KIF1B: variants seen among roughly 807,000 people sequenced by gnomAD.
KIF1B encodes kinesin family member 1B.
A neutral mutation model predicts 241.9 loss-of-function variants in KIF1B; 76 were observed. The observed-to-expected ratio is 0.31, with a 90% confidence interval of 0.26 to 0.38. The LOEUF is 0.38. Among genes scored for constraint, KIF1B ranks in the 10% least tolerant of loss-of-function variants. The pLI, the probability that KIF1B is intolerant of heterozygous loss-of-function variation, is 1.00. For missense variants in KIF1B, 1,622 were observed against 2,271.4 expected, an observed-to-expected ratio of 0.71 and a Z score of 5.81; for synonymous variants, 750 against 796.7, an observed-to-expected ratio of 0.94 and a Z score of 0.99.
At chr1:10,351,491 CAT>C (rs1457617496) in intron 37 of KIF1B, among the ~76,000 whole-genome samples, 1 of 152,150 alleles carries the variant, frequency 6.6e-6, no homozygotes, top group Non-Finnish European at 1.5e-5. Flanking sequence ...TCTCGCTTGA[CAT>C]ATGAGGGAAC....
chr1:10,294,213 G>T (rs7520935), intron 17 of KIF1B, among the ~76,000 whole-genome samples: 39,038 of 152,096 alleles, frequency 0.26, 5,371 homozygotes, highest in Admixed American at 0.32. Flanking sequence ...ACTAAAGAAG[G>T]TTGGTTTTTT....
At chr1:10,359,486 C>G (rs748761525) in intron 38 of KIF1B, among the ~76,000 whole-genome samples, 1 of 152,002 alleles carries the variant, frequency 6.6e-6, no homozygotes, top group Non-Finnish European at 1.5e-5. Flanking sequence ...ACTTGCAGAA[C>G]TGGAAGATTT....
At position 10,337,242 on chromosome 1, in the gene KIF1B, G is replaced by C; in HGVS notation, c.3259+39G>C. On this transcript the variant is annotated intron_variant, in intron 30 of 48. Transcript: ENST00000676179. The surrounding 1 kb of genome is among the most constrained non-coding windows in gnomAD (Gnocchi z 4.0). Reference sequence around the variant, plus strand: ...GTTTACTGTGCTTGGGGACATTTTCGACAAAGGGAAAATATTGACCATTAT... The same window carrying C: ...GTTTACTGTGCTTGGGGACATTTTCCACAAAGGGAAAATATTGACCATTAT... 1.2e-6 allele frequency: 2 copies of C among 1,613,868 alleles called. No homozygotes were observed.
intron 38 of KIF1B, among the ~76,000 whole-genome samples, chr1:10,356,344 G>A (rs926699816): frequency 4.0e-5 from 6 of 151,802 alleles, no homozygotes; most frequent in African/African-American, 1.2e-4. Flanking sequence ...CAGCCTGGGC[G>A]ACAGAGCGAG....
At chr1:10,249,370 A>G (rs1038209257) in intron 2 of KIF1B, among the ~76,000 whole-genome samples, 2 of 151,792 alleles carry the variant, frequency 1.3e-5, no homozygotes, top group Non-Finnish European at 2.9e-5. Context: ...CTGGTATTTT[A>G]TGTATATATT....
chr1:10,284,641 C>T (rs971963468), intron 15 of KIF1B, among the ~76,000 whole-genome samples: 16 of 152,032 alleles, frequency 1.1e-4, no homozygotes, highest in Non-Finnish European at 1.6e-4. Context: ...CTGGAGATTG[C>T]GCCATTGCAT....
Position 10,279,096 on chromosome 1 carries a change from G to T in KIF1B, c.1181-1G>T. On this transcript the variant is annotated splice_acceptor_variant, in intron 13 of 48. Coordinates refer to ENST00000676179, the MANE Select transcript of KIF1B (RefSeq NM_001365951.3). LOFTEE classifies it high-confidence loss of function. The stretch of plus-strand genomic sequence containing the variant: ...GTATTTTCCCTCCTGCTTACCTTCA[G>T]TTGATCCATTGATCGATGATTACTC... The T allele has an allele frequency of 1.3e-6, 2 of 1,546,202 alleles. No individual in the cohort carries two copies. The highest frequency in any genetic ancestry group is 1.7e-6 in the Non-Finnish European group (2 of 1,143,108).
intron 27 of KIF1B, 121 bp from the exon 28 acceptor site, chr1:10,334,399 G>C (rs1455685272): frequency 1.2e-6 from 1 of 806,188 alleles, no homozygotes; most frequent in Non-Finnish European, 2.2e-6. Context: ...GACTGAGAAG[G>C]GGTCTTAAGA....
At chr1:10,359,522 T>C (rs1253290766) in intron 38 of KIF1B, among the ~76,000 whole-genome samples, 1 of 152,182 alleles carries the variant, frequency 6.6e-6, no homozygotes, top group East Asian at 1.9e-4. Flanking sequence ...TAATGTTGTT[T>C]TACCAGTAGA....
chr1:10,356,208 A>G (rs1638239232), intron 38 of KIF1B, among the ~76,000 whole-genome samples: 1 of 151,938 alleles, frequency 6.6e-6, no homozygotes, highest in African/African-American at 2.4e-5. Context: ...TTTACTAAAA[A>G]TACAAAAATT....
intron 37 of KIF1B, among the ~76,000 whole-genome samples, chr1:10,350,974 A>T (rs927548118): frequency 7.3e-5 from 11 of 151,392 alleles, no homozygotes; most frequent in African/African-American, 2.7e-4. Flanking sequence ...TATAGTCTCA[A>T]CTACTCAGGA....
In KIF1B at chr1:10,279,085, G is replaced by C; in HGVS notation, c.1181-12G>C. 6.5e-7 allele frequency: 1 copy of C among 1,543,378 alleles called. No homozygotes were observed. Among genetic ancestry groups the C allele is most frequent in the Non-Finnish European group, 8.8e-7 (1 of 1,140,778 alleles). The stretch of plus-strand genomic sequence containing the variant: ...TGACCCTTCTCGTATTTTCCCTCCT[G>C]CTTACCTTCAGTTGATCCATTGATC... On this transcript the variant is annotated splice_polypyrimidine_tract_variant and intron_variant, in intron 13 of 48. Transcript: ENST00000676179.
chr1:10,364,496 G>T (rs1448122869), intron 41 of KIF1B, among the ~76,000 whole-genome samples: 1 of 139,896 alleles, frequency 7.1e-6, no homozygotes, highest in African/African-American at 2.5e-5. Flanking sequence ...GAGCCATCAC[G>T]CCCGGCCCCA....
chr1:10,342,412 A>G (rs1309004510), intron 33 of KIF1B, among the ~76,000 whole-genome samples: 1 of 152,200 alleles, frequency 6.6e-6, no homozygotes, highest in Admixed American at 6.5e-5. Flanking sequence ...GAGACTTTGA[A>G]TATGGTAGAA....
chr1:10,373,000 A>G (rs191803209), intron 45 of KIF1B, among the ~76,000 whole-genome samples: 29 of 149,922 alleles, frequency 1.9e-4, no homozygotes, highest in African/African-American at 7.1e-4. Context: ...TATTTTTAGT[A>G]GAGATCGGGT....
Position 10,337,415 on chromosome 1 carries a change from G to A in KIF1B, c.3304G>A (p.Gly1102Arg), listed in dbSNP as rs751916846. The change falls in exon 31 of 49, where the codon GGG becomes AGG. Residue 1102 changes from glycine (G) to arginine (R), a missense_variant. Gly to Arg is a moderately radical substitution (Grantham distance 125). This residue lies in a region of KIF1B where 803 missense variants were observed against 1,112.0 expected (regional missense o/e 0.72). Coordinates refer to ENST00000676179, the MANE Select transcript of KIF1B (RefSeq NM_001365951.3). This position sits in a 1 kb window ranked among gnomAD's most constrained non-coding sequence, Gnocchi z 4.0. ...GCTGGATGGTAAGATGGTAATGGAA[G>A]GGTTTTCTGAAGAGATTGGCAACCA... is the stretch of plus-strand genomic sequence containing the variant. Reference protein sequence around the residue: ...TLLDGKMVMEGFSEEIGNHLK... With the variant: ...TLLDGKMVMERFSEEIGNHLK... 1.9e-6 allele frequency: 3 copies of A among 1,614,208 alleles called. No homozygotes were observed. Among genetic ancestry groups the A allele is most frequent in the Non-Finnish European group, 2.5e-6 (3 of 1,180,028 alleles).
At chr1:10,231,378 C>CTTTTTTTTTT (rs35213507) in intron 1 of KIF1B, among the ~76,000 whole-genome samples, 22 of 85,736 alleles carry the variant, frequency 2.6e-4, no homozygotes, top group African/African-American at 3.5e-4. Context: ...GTTCAGTGCC[C>CTTTTTTTTTT]TTTTTTTTTT....
intron 5 of KIF1B, among the ~76,000 whole-genome samples, chr1:10,265,359 C>T (rs1648399119): frequency 6.6e-6 from 1 of 151,912 alleles, no homozygotes; most frequent in African/African-American, 2.4e-5. Context: ...CTCAGCCTCC[C>T]GAGTAGCTGG....
At chr1:10,285,482 A>G (rs111934925) in intron 15 of KIF1B, among the ~76,000 whole-genome samples, 11 of 152,346 alleles carry the variant, frequency 7.2e-5, no homozygotes, top group African/African-American at 1.7e-4. Context: ...CGACTTCCCT[A>G]TGTCCCACTA....
Sources: allele counts gnomAD v4.1 joint callset (sites outside exome capture counted in the v4.1 genomes callset), GRCh38; gene constraint gnomAD v4.1.1; regional missense constraint gnomAD v4.1.1; non-coding constraint Gnocchi (gnomAD v3.1); transcripts MANE v1.5; gene names NCBI Gene and HGNC (gene_info 2026-07-23, HGNC 2026-07-21).